The following AZIN2 variants were observed in gnomAD, a reference collection of about 807,000 sequenced individuals.
The protein encoded by AZIN2 is ODC antizyme inhibitor-2.
A neutral mutation model predicts 47.8 loss-of-function variants in AZIN2; 28 were observed. That is an observed-to-expected ratio of 0.59 (90% CI 0.43 to 0.80). AZIN2 has a LOEUF of 0.80. Ranked by LOEUF, AZIN2 falls within the 30% of genes least tolerant of loss-of-function variation. AZIN2 has a pLI of 0.00. For missense variants in AZIN2, 535 were observed against 582.5 expected, an observed-to-expected ratio of 0.92 and a Z score of 0.84; for synonymous variants, 221 against 239.4, an observed-to-expected ratio of 0.92 and a Z score of 0.71.
At chr1:33,138,640 A>AAAAAAAAG in the AZIN2 span, among the ~76,000 whole-genome samples, 6 of 149,356 alleles carry the variant, frequency 4.0e-5, no homozygotes, top group South Asian at 2.1e-4. Context: ...AAAAAAAAAA[A>AAAAAAAAG]AAAAAGAAAA....
At chr1:33,163,698 G>C in the AZIN2 span, 2 of 152,354 alleles carry the variant, frequency 1.3e-5, no homozygotes, top group African/African-American at 4.8e-5. Flanking sequence ...CCAGGGCGCC[G>C]ACCAAGGAAA....
chr1:33,164,173 C>T, the AZIN2 span: 1 of 152,276 alleles, frequency 6.6e-6, no homozygotes. Context: ...CCCGAGGGTC[C>T]TGCCCAGAGG....
intron 8 of AZIN2, 74 bp downstream of exon 8, chr1:33,094,787 G>T: frequency 6.5e-7 from 1 of 1,544,528 alleles, no homozygotes; most frequent in Non-Finnish European, 8.9e-7. Context: ...TGATCGGAGG[G>T]AGACCACCGT....
the AZIN2 span, among the ~76,000 whole-genome samples, chr1:33,135,621 T>C: frequency 6.6e-6 from 1 of 152,194 alleles, no homozygotes; most frequent in Non-Finnish European, 1.5e-5. Flanking sequence ...CAGCCTCCTG[T>C]CCCTCAAACA....
At chr1:33,118,517 G>A (rs1644669764) in intron 11 of AZIN2, 1 of 169,082 alleles carries the variant, frequency 5.9e-6, no homozygotes, top group East Asian at 1.7e-4. Context: ...GACTGCAGAG[G>A]GAGGCAGGGC....
chr1:33,096,948 A>G, intron 9 of AZIN2, 79 bp downstream of exon 9: 2 of 1,569,980 alleles, frequency 1.3e-6, no homozygotes, highest in South Asian at 2.3e-5. Context: ...ATCTGGTTTT[A>G]GACCCAGTGG....
chr1:33,149,519 A>T, the AZIN2 span, among the ~76,000 whole-genome samples: 1 of 151,926 alleles, frequency 6.6e-6, no homozygotes, highest in Admixed American at 6.6e-5. Flanking sequence ...CAGTAGTGTC[A>T]TCATAGCTCA....
At chr1:33,093,598 G>T (rs755149946) in intron 7 of AZIN2, among the ~76,000 whole-genome samples, 182 bp downstream of exon 7, 1 of 152,058 alleles carries the variant, frequency 6.6e-6, no homozygotes, top group Non-Finnish European at 1.5e-5. Context: ...CCCTTCCCCA[G>T]TCCCAGGGTC....
At chr1:33,119,832 C>G (rs112648069) in intron 11 of AZIN2, 108 of 604,762 alleles carry the variant, frequency 1.8e-4, no homozygotes, top group African/African-American at 1.8e-3. Flanking sequence ...AGTAAATGCT[C>G]GATACATGTG....
At chr1:33,104,062 T>C (rs1643885181) in intron 10 of AZIN2, among the ~76,000 whole-genome samples, 1 of 152,048 alleles carries the variant, frequency 6.6e-6, no homozygotes, top group Non-Finnish European at 1.5e-5. Flanking sequence ...TCTGTATTTT[T>C]AGTAGAGACG....
chr1:33,134,376 G>A, the AZIN2 span, among the ~76,000 whole-genome samples: 1 of 152,336 alleles, frequency 6.6e-6, no homozygotes, highest in Admixed American at 6.5e-5. Context: ...ATTAAGTGCA[G>A]GTGGACTCTT....
In AZIN2 at chr1:33,081,208, C is replaced by CG. The variant is rs1229895794; in HGVS notation, c.-488dup. On this transcript the variant is annotated 5_prime_UTR_variant, in exon 1 of 12. Transcript: ENST00000294517. The surrounding 1 kb of genome is among the most constrained non-coding windows in gnomAD (Gnocchi z 4.2). ...GGGCGCAGGCCGCGGGACCCGAGCC[C>CG]GGGGAAGCGAGAGAGCGGAGGCGCC... is the stretch of plus-strand genomic sequence containing the variant. The CG allele has an allele frequency of 1.3e-5, 2 of 154,212 alleles. No homozygotes were observed. The highest frequency in any genetic ancestry group is 3.8e-4 in the East Asian group (2 of 5,226). 9.6% of individuals were successfully genotyped at this position (154,212 alleles called of 1,614,324 possible).
At position 33,081,522 on chromosome 1, in the gene AZIN2, G is replaced by C. The variant is rs1641246330; in HGVS notation, c.-285+14G>C. 2 of 153,448 alleles carry C rather than the reference G, an allele frequency of 1.3e-5. No homozygotes were observed. Among genetic ancestry groups the C allele is most frequent in the Admixed American group, 1.3e-4 (2 of 15,300 alleles). The allele number at this position is 153,448 out of a possible 1,614,324, so 9.5% of individuals were successfully genotyped here. ...GGACGGAGTTTGGTAAGGGGCCCTG[G>C]GGGTTGGGGGGACCTCAGCCCTGCA... is the stretch of plus-strand genomic sequence containing the variant. On this transcript the variant is annotated intron_variant, in intron 2 of 11. Coordinates refer to ENST00000294517, the MANE Select transcript of AZIN2 (RefSeq NM_052998.4). This position sits in a 1 kb window ranked among gnomAD's most constrained non-coding sequence, Gnocchi z 4.2.
chr1:33,165,635 T>A, the AZIN2 span: 1 of 1,365,556 alleles, frequency 7.3e-7, no homozygotes, highest in Non-Finnish European at 9.9e-7. The surrounding 1 kb of genome is among the most constrained non-coding windows in gnomAD (Gnocchi z 4.0). Context: ...CCCTGACCAC[T>A]GCCAGGCGCT....
intron 10 of AZIN2, among the ~76,000 whole-genome samples, chr1:33,114,034 C>T (rs1374117209): frequency 6.6e-6 from 1 of 151,978 alleles, no homozygotes; most frequent in Non-Finnish European, 1.5e-5. Flanking sequence ...CCTATATATT[C>T]ACAAGTGAGA....
downstream of AZIN2, among the ~76,000 whole-genome samples, chr1:33,127,730 G>A (rs951349191): frequency 5.3e-5 from 8 of 152,216 alleles, no homozygotes; most frequent in African/African-American, 1.9e-4. Flanking sequence ...TTTCATATGC[G>A]AGGGAAAACA....
At position 33,081,821 on chromosome 1, in the gene AZIN2, G is replaced by A. The variant is rs941275281; in HGVS notation, c.-73+9G>A. The A allele has an allele frequency of 3.8e-6, 1 of 265,626 alleles. No homozygotes were observed. The highest frequency in any genetic ancestry group is 7.4e-6 in the Non-Finnish European group (1 of 134,952). 16.5% of individuals were successfully genotyped at this position (265,626 alleles called of 1,614,324 possible). ...CACCGGCTACCCTCTAGGTGGGCGT[G>A]GTCAAGACTGGGGGCGCCCTGGAAA... On this transcript the variant is annotated intron_variant, in intron 3 of 11. Transcript: ENST00000294517. The surrounding 1 kb of genome is among the most constrained non-coding windows in gnomAD (Gnocchi z 4.2).
chr1:33,114,688 C>CTTTTTTTT (rs1644456454), intron 10 of AZIN2, among the ~76,000 whole-genome samples: 1 of 92,680 alleles, frequency 1.1e-5, no homozygotes, highest in Non-Finnish European at 2.0e-5. Context: ...TGGAGTTTTG[C>CTTTTTTTT]TCTTGTCACC....
chr1:33,093,188 C>T (rs1642762214), intron 6 of AZIN2, 94 bp from the exon 7 acceptor site: 3 of 1,547,522 alleles, frequency 1.9e-6, no homozygotes, highest in Non-Finnish European at 1.8e-6. Context: ...TTGGGTGGCT[C>T]TGAGCCATGT....
Sources: allele counts gnomAD v4.1 joint callset (sites outside exome capture counted in the v4.1 genomes callset), GRCh38; gene constraint gnomAD v4.1.1; non-coding constraint Gnocchi (gnomAD v3.1); transcripts MANE v1.5; gene names NCBI Gene and HGNC (gene_info 2026-07-23, HGNC 2026-07-21).